Variants in NUP210 observed in about 807,000 individuals in gnomAD.
NUP210 encodes nuclear pore membrane glycoprotein 210.
In NUP210, 151 loss-of-function variants were observed where a neutral mutation model predicts 196.0. The ratio of observed to expected loss-of-function variants is 0.77; its 90% confidence interval spans 0.67 to 0.88. The LOEUF (loss-of-function observed/expected upper bound fraction) is 0.88. NUP210 is among the 40% of genes least tolerant of loss of function. The pLI is 0.00. For missense variants in NUP210, 2,314 were observed against 2,493.7 expected (o/e 0.93, Z 1.53); for synonymous variants, 1,070 against 1,052.7 (o/e 1.02, Z -0.32).
chr3:13,386,130 G>A (rs1201131433), intron 6 of NUP210, 145 bp downstream of exon 6: 1 of 814,296 alleles, frequency 1.2e-6, no homozygotes, highest in Non-Finnish European at 1.9e-6. Flanking sequence ...GATGGTGATG[G>A]CTGCAGAAGA....
chr3:13,418,948 C>CAAAAAAA (rs112826426), intron 1 of NUP210, among the ~76,000 whole-genome samples: 6 of 52,492 alleles, frequency 1.1e-4, no homozygotes, highest in East Asian at 6.8e-4. Flanking sequence ...AACTCCGTCT[C>CAAAAAAA]AAAAAAAAAA....
intron 25 of NUP210, 88 bp from the exon 26 acceptor site, chr3:13,338,005 C>T (rs753749931): frequency 6.8e-5 from 85 of 1,248,470 alleles, no homozygotes; most frequent in Middle Eastern, 1.9e-4. Context: ...AAGCAGGCTG[C>T]GGCTCAGAGT....
At chr3:13,370,636 T>A (rs1259820341) in intron 13 of NUP210, among the ~76,000 whole-genome samples, 1 of 152,208 alleles carries the variant, frequency 6.6e-6, no homozygotes, top group Non-Finnish European at 1.5e-5. Flanking sequence ...TTTTCCTCCA[T>A]CCTAAATGAT....
rs1436368634 is a variant in NUP210, at chr3:13,317,724, C to T, written c.5621G>A (p.Ser1874Asn). 2 of 1,611,698 alleles carry T rather than the reference C, an allele frequency of 1.2e-6. No individual in the cohort carries two copies. The highest frequency in any genetic ancestry group is 1.7e-5 in the Admixed American group (1 of 59,766). Residue 1874 changes from serine to asparagine, a missense_variant, in exon 40 of 40, where the codon AGC (serine) becomes AAC (asparagine). Coordinates refer to ENST00000254508, the MANE Select transcript of NUP210 (RefSeq NM_024923.4). ...TGGGCTCCACAGCCCTGAGGGAGGG[C>T]TGGCTTTGCGAGCAGGAGGCAATGC... ...PNALPPARKA[S>N]PPSGLWSPAY...
chr3:13,319,348 T>A (rs777242939), intron 37 of NUP210, 23 bp from the exon 38 acceptor site: 1 of 1,583,456 alleles, frequency 6.3e-7, no homozygotes, highest in South Asian at 1.1e-5. Flanking sequence ...GGAAGATGAG[T>A]TACCAAAACC....
At position 13,420,033 on chromosome 3, in the gene NUP210, C is replaced by G. The variant is rs780190800; in HGVS notation, c.167+27G>C. On this transcript the variant is annotated intron_variant, in intron 1 of 39. Transcript: ENST00000254508. The surrounding 1 kb of genome is among the most constrained non-coding windows in gnomAD (Gnocchi z 4.8). ...CGAAGGCCCAGCCCGGCCCACGGCG[C>G]CCGCCCGGCCCGGCCGCGCGCCTCA... 2.5e-6 allele frequency: 3 copies of G among 1,194,492 alleles called. No homozygotes were observed. The highest frequency in any genetic ancestry group is 1.0e-6 in the Non-Finnish European group (1 of 954,986). The allele number at this position is 1,194,492 out of a possible 1,614,324, so 74.0% of individuals were successfully genotyped here.
chr3:13,346,970 C>T lies in NUP210; in HGVS notation c.2836-3667G>A, dbSNP rs559609455. The T allele has an allele frequency of 3.7e-5, 36 of 980,124 alleles. No individual in the cohort carries two copies. In the African/African-American group the frequency reaches 4.2e-4, roughly 11 times the overall value. 60.7% of individuals were successfully genotyped at this position (980,124 alleles called of 1,614,324 possible). A position where few individuals can be genotyped will look rare whatever the true frequency, so the allele number is the denominator to read the frequency against. On this transcript the variant is annotated intron_variant, in intron 20 of 39. Coordinates refer to ENST00000254508, the MANE Select transcript of NUP210 (RefSeq NM_024923.4). Reference sequence around the variant, plus strand: ...GCCAGCCCTGTGACCTTCCCAAGGGCGAGGACTGGGGACGTGCACCACTGT... The same window carrying T: ...GCCAGCCCTGTGACCTTCCCAAGGGTGAGGACTGGGGACGTGCACCACTGT...
At chr3:13,397,097 A>T (rs1346638119) in intron 3 of NUP210, among the ~76,000 whole-genome samples, 1 of 152,160 alleles carries the variant, frequency 6.6e-6, no homozygotes, top group Non-Finnish European at 1.5e-5. Context: ...CTGAGCACAC[A>T]GGCCCCACTG....
At chr3:13,378,212 C>T (rs751691757) in intron 8 of NUP210, among the ~76,000 whole-genome samples, 3 of 152,174 alleles carry the variant, frequency 2.0e-5, no homozygotes, top group Non-Finnish European at 4.4e-5. Flanking sequence ...CAACAGTTCT[C>T]TGCTTTGAAC....
chr3:13,335,907 G>A (rs1003323191), intron 27 of NUP210, among the ~76,000 whole-genome samples: 2 of 152,244 alleles, frequency 1.3e-5, no homozygotes, highest in Non-Finnish European at 2.9e-5. Context: ...TTCATGACAG[G>A]ATGTCCCTCA....
At position 13,330,609 on chromosome 3, in the gene NUP210, G is replaced by A. The variant is rs752278223; in HGVS notation, c.3961C>T (p.Arg1321Cys). Residue 1321 changes from arginine (R) to cysteine (C), a missense_variant, in exon 30 of 40, where the codon CGC becomes TGC. By Grantham distance (180) the Arg-to-Cys change is radical. Coordinates refer to ENST00000254508, the MANE Select transcript of NUP210 (RefSeq NM_024923.4). ...NRDGAASLSYRVLDGPEKVPV... is the reference protein window; with the variant it reads ...NRDGAASLSYCVLDGPEKVPV... ...ACCTTTTCGGGTCCATCCAGGACGC[G>A]GTAGCTCAGAGAGGCTGCACCATCC... 2.9e-5 allele frequency: 46 copies of A among 1,613,938 alleles called. No homozygotes were observed. Among genetic ancestry groups the A allele is most frequent in the South Asian group, 4.4e-5 (4 of 91,068 alleles).
intron 1 of NUP210, among the ~76,000 whole-genome samples, chr3:13,403,758 G>A (rs936493299): frequency 3.3e-5 from 5 of 152,128 alleles, no homozygotes; most frequent in Non-Finnish European, 5.9e-5. Context: ...ACAGAGCCTG[G>A]GGGAGAGAGA....
chr3:13,415,237 A>T (rs569233829), intron 1 of NUP210, among the ~76,000 whole-genome samples: 2 of 152,270 alleles, frequency 1.3e-5, no homozygotes, highest in Non-Finnish European at 2.9e-5. Context: ...AAAAAATAAA[A>T]AGAGTCACAG....
intron 1 of NUP210, among the ~76,000 whole-genome samples, chr3:13,414,571 T>C (rs1007770011): frequency 6.6e-6 from 1 of 152,172 alleles, no homozygotes; most frequent in Admixed American, 6.5e-5. Context: ...AGGTCCCACA[T>C]GGCCCCGCCC....
In NUP210 at chr3:13,335,529, C is replaced by T. The variant is rs774216739; in HGVS notation, c.3768G>A (p.Val1256=). 6.2e-7 allele frequency: 1 copy of T among 1,614,108 alleles called. No individual in the cohort carries two copies. The highest frequency in any genetic ancestry group is 1.7e-5 in the Admixed American group (1 of 60,022). The change falls in exon 28 of 40, where the codon GTG becomes GTA. Residue 1256 remains valine (V), a synonymous_variant. Transcript: ENST00000254508. The part of the protein sequence containing the change: ...RVKGRTGLRV[V]VKAVDPTSGQ... ...CCGATGTGGGGTCCACAGCCTTGACCACCACCCTCAGCCCGGTCCGGCCTT... is the reference window on the plus strand; with the variant it reads ...CCGATGTGGGGTCCACAGCCTTGACTACCACCCTCAGCCCGGTCCGGCCTT...
chr3:13,378,522 G>A (rs1442399621), intron 8 of NUP210, among the ~76,000 whole-genome samples: 2 of 152,158 alleles, frequency 1.3e-5, no homozygotes, highest in Non-Finnish European at 2.9e-5. Flanking sequence ...TCCCCTCCCT[G>A]CTAAGGTACC....
intron 15 of NUP210, 81 bp downstream of exon 15, chr3:13,360,189 G>T: frequency 1.7e-6 from 2 of 1,195,186 alleles, no homozygotes; most frequent in South Asian, 2.7e-5. Context: ...TTACTCCAAG[G>T]AGTAAATAAA....
At chr3:13,384,929 G>A (rs1283706283) in intron 6 of NUP210, among the ~76,000 whole-genome samples, 1 of 152,130 alleles carries the variant, frequency 6.6e-6, no homozygotes, top group Admixed American at 6.5e-5. Flanking sequence ...CTCTGACCAG[G>A]ACACCCACGC....
rs1012145036 is a variant in NUP210 at position 13,348,825 on chromosome 3, C to T, written c.2835+3054G>A. 3.0e-6 allele frequency: 3 copies of T among 985,322 alleles called. No homozygotes were observed. The African/African-American group carries it at 5.2e-5, about 17-fold the overall frequency. 61.0% of individuals were successfully genotyped at this position (985,322 alleles called of 1,614,324 possible). A position where few individuals can be genotyped will look rare whatever the true frequency, so the allele number is the denominator to read the frequency against. ...CTGAGAAAACATCCTCTTTGCAAGA[C>T]AGCTGGAGACCAACATCAAACGCTG... On this transcript the variant is annotated intron_variant, in intron 20 of 39. Coordinates refer to ENST00000254508, the MANE Select transcript of NUP210 (RefSeq NM_024923.4). This position sits in a 1 kb window ranked among gnomAD's most constrained non-coding sequence, Gnocchi z 4.0.
Sources: allele counts gnomAD v4.1 joint callset (sites outside exome capture counted in the v4.1 genomes callset), GRCh38; gene constraint gnomAD v4.1.1; non-coding constraint Gnocchi (gnomAD v3.1); transcripts MANE v1.5; gene names NCBI Gene and HGNC (gene_info 2026-07-23, HGNC 2026-07-21).